ANO7: variants seen among roughly 807,000 people sequenced by gnomAD.
The protein encoded by ANO7 is anoctamin-7.
A neutral mutation model predicts 115.8 loss-of-function variants in ANO7; 114 were observed. The ratio of observed to expected loss-of-function variants is 0.98; its 90% confidence interval spans 0.85 to 1.15. The LOEUF is 1.15. Ranked by LOEUF, ANO7 falls within the 50% of genes most tolerant of loss-of-function variation. The probability of loss-of-function intolerance (pLI) is 0.00; values close to 1 mark genes in which losing one functional copy is unlikely to be tolerated. For synonymous variants in ANO7, 550 were observed against 498.2 expected (o/e 1.10, Z -1.38); for missense variants, 1,302 against 1,201.2 (o/e 1.08, Z -1.24).
chr2:241,190,238 C>T, intron 2 of ANO7, 67 bp downstream of exon 2: 1 of 1,378,974 alleles, frequency 7.3e-7, no homozygotes, highest in Non-Finnish European at 9.9e-7. Context: ...TATGCCCCCA[C>T]CCTGGGCCCA....
the ANO7 span, chr2:241,233,746 G>A: frequency 6.4e-7 from 1 of 1,565,690 alleles, no homozygotes; most frequent in Admixed American, 1.7e-5. This position sits in a 1 kb window ranked among gnomAD's most constrained non-coding sequence, Gnocchi z 4.3. Flanking sequence ...AGGCACATCT[G>A]GTTACTGCTC....
chr2:241,233,394 T>C, the ANO7 span, among the ~76,000 whole-genome samples: 1 of 152,062 alleles, frequency 6.6e-6, no homozygotes, highest in Non-Finnish European at 1.5e-5. This position sits in a 1 kb window ranked among gnomAD's most constrained non-coding sequence, Gnocchi z 4.3. Flanking sequence ...CTAAGGACCA[T>C]CTGGCAAGCA....
At position 241,217,715 on chromosome 2, in the gene ANO7, G is replaced by T; in HGVS notation, c.2002G>T (p.Val668Leu). The change falls in exon 20 of 25, where the codon GTG (valine) becomes TTG (leucine). Residue 668 changes from valine (V) to leucine (L), a missense_variant. By Grantham distance (32) the Val-to-Leu change is conservative (BLOSUM62 1). Transcript: ENST00000674324. ...GCAGTTCGGCTTCGTCACCATCTTC[G>T]TGGCCGCCTGTCCGCTCGCGCCGCT... ...VLQFGFVTIF[V>L]AACPLAPLFA... The T allele has an allele frequency of 1.9e-6, 3 of 1,596,424 alleles. No individual in the cohort carries two copies. Among genetic ancestry groups the T allele is most frequent in the Non-Finnish European group, 1.7e-6 (2 of 1,172,244 alleles).
chr2:241,192,181 C>T (rs2068222189), intron 3 of ANO7, among the ~76,000 whole-genome samples: 3 of 152,196 alleles, frequency 2.0e-5, no homozygotes, highest in Non-Finnish European at 2.9e-5. Flanking sequence ...CAAAATTAGC[C>T]AGGCGTGGTG....
chr2:241,236,255 T>G, the ANO7 span: 1 of 305,270 alleles, frequency 3.3e-6, no homozygotes, highest in Non-Finnish European at 6.2e-6. Flanking sequence ...CAAGGTGAGC[T>G]AGGCCTGATA....
At chr2:241,238,719 A>G in the ANO7 span, 142 of 1,592,014 alleles carry the variant, frequency 8.9e-5, no homozygotes, top group Admixed American at 3.9e-4. This position sits in a 1 kb window ranked among gnomAD's most constrained non-coding sequence, Gnocchi z 4.9. Flanking sequence ...GGATTCTGGA[A>G]CCTTTGGGGC....
chr2:241,210,380 T>G lies in ANO7; in HGVS notation c.1445T>G (p.Leu482Arg). The G allele has an allele frequency of 6.2e-7, 1 of 1,614,048 alleles. No homozygotes were observed. Residue 482 changes from leucine (L) to arginine (R), a missense_variant, in exon 14 of 25, where the codon CTT becomes CGT. Coordinates refer to ENST00000674324, the MANE Select transcript of ANO7 (RefSeq NM_001370694.2). ...GTGGTGTCCAGGTCGGGCAACACCC[T>G]TCTCGCAGCCTGGGTGAGCCTCTGC... ...AIVVSRSGNT[L>R]LAAWASRIAS...
rs2068872822 is a variant in ANO7, at chr2:241,217,852, C to T, written c.2139C>T (p.His713=). The T allele has an allele frequency of 6.2e-7, 1 of 1,605,446 alleles. No individual in the cohort carries two copies. Among genetic ancestry groups the T allele is most frequent in the Non-Finnish European group, 8.5e-7 (1 of 1,177,960 alleles). Residue 713 remains histidine, a synonymous_variant, in exon 20 of 25, where the codon CAC becomes CAT. Transcript: ENST00000674324. The part of the protein sequence containing the change: ...ERAQDIGIWF[H]ILAGLTHLAV... The stretch of plus-strand genomic sequence containing the variant: ...CCCAGGACATCGGCATCTGGTTCCA[C>T]ATCCTGGCGGGCCTCACGCACCTGG...
chr2:241,207,552 C>T lies in ANO7; in HGVS notation c.981-22C>T, dbSNP rs749932648. 7 of 1,608,494 alleles carry T rather than the reference C, an allele frequency of 4.4e-6. No individual in the cohort carries two copies. The East Asian group carries it at 8.9e-5, about 21-fold the overall frequency. On this transcript the variant is annotated intron_variant, in intron 10 of 24. Transcript: ENST00000674324. ...GCCCCCCTCCCCCATTAGCTCCCAC[C>T]CCTCCGCTCCATGCCTTGCAGGCAG...
Position 241,191,110 on chromosome 2 carries a change from G to A in ANO7, c.109-84G>A, listed in dbSNP as rs528230706. 7.8e-5 allele frequency: 117 copies of A among 1,502,004 alleles called. No individual in the cohort carries two copies. In the South Asian group the frequency reaches 9.1e-4, roughly 12 times the overall value. 93.0% of individuals were successfully genotyped at this position (1,502,004 alleles called of 1,614,324 possible). On this transcript the variant is annotated intron_variant, in intron 2 of 24. Transcript: ENST00000674324. ...GCGGGGACGGGTTGGAGGCGAGGAC[G>A]GCTTCAGGGTGGGGCGGGGTGGGTG... is the stretch of plus-strand genomic sequence containing the variant.
In ANO7 at chr2:241,224,174, G is replaced by T. The variant is rs772121653; in HGVS notation, c.*21G>T. The T allele has an allele frequency of 1.2e-6, 2 of 1,613,608 alleles. No individual in the cohort carries two copies. The highest frequency in any genetic ancestry group is 4.5e-5 in the East Asian group (2 of 44,882). ...AGTGACGCCTGGAAGGACATCTGGT[G>T]GTCCTTAGGGGAGTGGCCCCTCCTG... On this transcript the variant is annotated 3_prime_UTR_variant, in exon 25 of 25. Coordinates refer to ENST00000674324, the MANE Select transcript of ANO7 (RefSeq NM_001370694.2).
the ANO7 span, chr2:241,235,282 G>A: frequency 5.0e-6 from 8 of 1,614,048 alleles, no homozygotes; most frequent in East Asian, 2.2e-5. Flanking sequence ...CTGACTTGAC[G>A]TTCAGGACCC....
chr2:241,229,667 A>C (rs779248157), downstream of ANO7: 11 of 1,614,062 alleles, frequency 6.8e-6, no homozygotes, highest in African/African-American at 1.3e-4. Flanking sequence ...GAAATTCCTC[A>C]GAGCTGCTCA....
Position 241,223,745 on chromosome 2 carries a change from G to A in ANO7, c.2496G>A (p.Glu832=), listed in dbSNP as rs767914751. The change falls in exon 23 of 25, where the codon GAG becomes GAA. Residue 832 remains glutamate, a synonymous_variant. Coordinates refer to ENST00000674324, the MANE Select transcript of ANO7 (RefSeq NM_001370694.2). ...PESVEIKVKR[E]YYLAKQALAE... ...CTGTGGAGATCAAAGTGAAGCGGGA[G>A]TACTACCTGGCTAAGCAGGCACTGG... The A allele has an allele frequency of 4.3e-6, 7 of 1,614,190 alleles. No homozygotes were observed. In the South Asian group the frequency reaches 6.6e-5, roughly 15 times the overall value.
intron 4 of ANO7, among the ~76,000 whole-genome samples, chr2:241,197,602 C>A (rs1246963529): frequency 1.3e-5 from 2 of 151,258 alleles, no homozygotes; most frequent in Non-Finnish European, 2.9e-5. Flanking sequence ...TGGTTTGGAA[C>A]TCCTGGGCTC....
the ANO7 span, among the ~76,000 whole-genome samples, chr2:241,231,994 G>A: frequency 6.6e-6 from 1 of 152,142 alleles, no homozygotes; most frequent in Non-Finnish European, 1.5e-5. Flanking sequence ...CAAATGCCTG[G>A]AAAGGAAATG....
At chr2:241,238,633 C>G in the ANO7 span, 2 of 1,543,272 alleles carry the variant, frequency 1.3e-6, no homozygotes, top group Non-Finnish European at 1.8e-6. This position sits in a 1 kb window ranked among gnomAD's most constrained non-coding sequence, Gnocchi z 4.9. Flanking sequence ...CAGAGCAGGG[C>G]TAATGGGGGA....
chr2:241,199,289 C>T (rs1462122766), intron 4 of ANO7, 27 bp from the exon 5 acceptor site: 3 of 1,596,626 alleles, frequency 1.9e-6, no homozygotes, highest in African/African-American at 2.7e-5. Flanking sequence ...CACCCTCAGG[C>T]TCTCACGGAG....
chr2:241,191,163 G>A (rs1376348036), intron 2 of ANO7, 31 bp from the exon 3 acceptor site: 1 of 1,613,404 alleles, frequency 6.2e-7, no homozygotes, highest in Non-Finnish European at 8.5e-7. Flanking sequence ...TGCTGATGCT[G>A]ATATGCTTCT....
Sources: allele counts gnomAD v4.1 joint callset (sites outside exome capture counted in the v4.1 genomes callset), GRCh38; gene constraint gnomAD v4.1.1; non-coding constraint Gnocchi (gnomAD v3.1); transcripts MANE v1.5; gene names NCBI Gene and HGNC (gene_info 2026-07-23, HGNC 2026-07-21).